ACTR2: variants seen among roughly 807,000 people sequenced by gnomAD.
ACTR2 encodes actin-related protein 2.
Under a neutral mutation model 50.2 loss-of-function variants are expected in ACTR2, and 5 were observed. The observed-to-expected ratio is 0.10, with a 90% CI of 0.05 to 0.21. The LOEUF is 0.21. Among genes scored for constraint, ACTR2 ranks in the 10% least tolerant of loss-of-function variants. The pLI is 1.00. For synonymous variants in ACTR2, 140 were observed against 162.9 expected, an observed-to-expected ratio of 0.86 and a Z score of 1.07; for missense variants, 180 against 480.6, an observed-to-expected ratio of 0.37 and a Z score of 5.85.
intron 3 of ACTR2, among the ~76,000 whole-genome samples, chr2:65,248,608 A>G (rs886123789): frequency 6.6e-6 from 1 of 152,162 alleles, no homozygotes; most frequent in African/African-American, 2.4e-5. Flanking sequence ...GTGAGAAATT[A>G]CCAGATTATA....
chr2:65,236,567 T>C (rs1020485997), intron 1 of ACTR2, among the ~76,000 whole-genome samples: 12 of 152,018 alleles, frequency 7.9e-5, no homozygotes, highest in Admixed American at 5.2e-4. Context: ...TTTTGTTTTT[T>C]TGGGTTTTGT....
At chr2:65,241,868 G>A (rs2103991805) in intron 2 of ACTR2, 5 of 581,180 alleles carry the variant, frequency 8.6e-6, no homozygotes, top group Non-Finnish European at 1.4e-5. Context: ...AGGAATAACT[G>A]TCCATGTTAA....
At chr2:65,254,457 C>A (rs1672110297) in intron 5 of ACTR2, among the ~76,000 whole-genome samples, 2 of 152,158 alleles carry the variant, frequency 1.3e-5, no homozygotes, top group East Asian at 3.9e-4. Flanking sequence ...TAAAACATTA[C>A]TGGAGAAAGT....
At chr2:65,244,245 A>C (rs537097476) in intron 2 of ACTR2, among the ~76,000 whole-genome samples, 4 of 152,318 alleles carry the variant, frequency 2.6e-5, no homozygotes, top group African/African-American at 9.6e-5. Flanking sequence ...GATCAGACTT[A>C]TTTCAAATTG....
At chr2:65,236,139 G>C (rs1436418127) in intron 1 of ACTR2, among the ~76,000 whole-genome samples, 2 of 152,102 alleles carry the variant, frequency 1.3e-5, no homozygotes, top group Non-Finnish European at 2.9e-5. Context: ...AGGAGTTAGA[G>C]ACCAGCCTGG....
At chr2:65,242,186 A>C in intron 2 of ACTR2, 1 of 708,774 alleles carries the variant, frequency 1.4e-6, no homozygotes, top group Non-Finnish European at 2.5e-6. Context: ...TATTTTAAGT[A>C]CTTTGATTTT....
chr2:65,233,563 A>G (rs1191160433), intron 1 of ACTR2, among the ~76,000 whole-genome samples: 1 of 151,692 alleles, frequency 6.6e-6, no homozygotes, highest in Admixed American at 6.6e-5. Flanking sequence ...GGACTACCCC[A>G]TAGGCAGTGT....
intron 4 of ACTR2, among the ~76,000 whole-genome samples, chr2:65,252,779 G>A (rs1672078304): frequency 6.6e-6 from 1 of 152,136 alleles, no homozygotes; most frequent in African/African-American, 2.4e-5. Context: ...GACCAGCCTA[G>A]GCAACATAGT....
At chr2:65,244,941 CAAAAA>C (rs35780666) in intron 2 of ACTR2, among the ~76,000 whole-genome samples, 1 of 77,052 alleles carries the variant, frequency 1.3e-5, no homozygotes. Context: ...GACCCCATCT[CAAAAA>C]AAAAAAAAAA....
intron 1 of ACTR2, among the ~76,000 whole-genome samples, chr2:65,239,403 G>A (rs532543815): frequency 6.6e-6 from 1 of 152,354 alleles, no homozygotes; most frequent in East Asian, 1.9e-4. Context: ...GCAGTGAGCC[G>A]AGATTGTGCC....
At chr2:65,260,144 CAT>C (rs1037059716) in intron 6 of ACTR2, among the ~76,000 whole-genome samples, 6 of 152,150 alleles carry the variant, frequency 3.9e-5, no homozygotes, top group Admixed American at 6.5e-5. Flanking sequence ...AAGTGGTACA[CAT>C]GTTATAAAGT....
chr2:65,264,977 C>T lies in ACTR2; in HGVS notation c.882-66C>T, dbSNP rs899952617. Reference sequence around the variant, plus strand: ...GCAACCCCGAGGCTGACATAAGTAACAGTAACCCTGAGATACCATTTTCCT... The same window carrying T: ...GCAACCCCGAGGCTGACATAAGTAATAGTAACCCTGAGATACCATTTTCCT... On this transcript the variant is annotated intron_variant, in intron 7 of 8. Transcript: ENST00000260641. The T allele has an allele frequency of 8.2e-6, 13 of 1,577,984 alleles. No individual in the cohort carries two copies. The Admixed American group carries it at 2.0e-4, about 25-fold the overall frequency.
At chr2:65,230,714 A>G (rs1671620051) in intron 1 of ACTR2, among the ~76,000 whole-genome samples, 2 of 152,086 alleles carry the variant, frequency 1.3e-5, no homozygotes, top group Admixed American at 1.3e-4. Flanking sequence ...CCCTGCTGTC[A>G]GAAGCTAATG....
intron 2 of ACTR2, among the ~76,000 whole-genome samples, chr2:65,245,190 T>C (rs978519232): frequency 2.0e-5 from 3 of 152,122 alleles, no homozygotes; most frequent in Admixed American, 6.6e-5. Flanking sequence ...TTTTTTTTAA[T>C]TTAAAACTCA....
intron 7 of ACTR2, among the ~76,000 whole-genome samples, chr2:65,264,460 T>C (rs1672334885): frequency 6.6e-6 from 1 of 152,184 alleles, no homozygotes; most frequent in African/African-American, 2.4e-5. Flanking sequence ...TTACTACATA[T>C]GCAGTCTTTT....
intron 8 of ACTR2, among the ~76,000 whole-genome samples, chr2:65,267,699 T>A (rs930161912): frequency 1.3e-5 from 2 of 152,116 alleles, no homozygotes; most frequent in African/African-American, 2.4e-5. Context: ...TCCTGATGAT[T>A]TGTTTTGACC....
At chr2:65,241,984 T>G in intron 2 of ACTR2, 4 of 1,593,430 alleles carry the variant, frequency 2.5e-6, no homozygotes, top group Non-Finnish European at 3.4e-6. Flanking sequence ...AGGATTTTAT[T>G]TAGGCCTTTT....
At chr2:65,237,380 A>G (rs1248424927) in intron 1 of ACTR2, among the ~76,000 whole-genome samples, 1 of 152,074 alleles carries the variant, frequency 6.6e-6, no homozygotes, top group Non-Finnish European at 1.5e-5. Flanking sequence ...ACTATAGCAC[A>G]TGCCACAATG....
intron 4 of ACTR2, among the ~76,000 whole-genome samples, chr2:65,253,402 C>T (rs915361874): frequency 1.8e-4 from 28 of 151,666 alleles, no homozygotes; most frequent in Non-Finnish European, 4.4e-5. Flanking sequence ...TAGATTGAGC[C>T]ACTGTACTCC....
Sources: allele counts gnomAD v4.1 joint callset (sites outside exome capture counted in the v4.1 genomes callset), GRCh38; gene constraint gnomAD v4.1.1; transcripts MANE v1.5; gene names NCBI Gene and HGNC (gene_info 2026-07-23, HGNC 2026-07-21).